The following NFAM1 variants were observed in gnomAD, a reference collection of about 807,000 sequenced individuals.
NFAM1 encodes NFAT activation molecule 1.
A neutral mutation model predicts 29.0 loss-of-function variants in NFAM1; 17 were observed. That is an observed-to-expected ratio of 0.59 (90% CI 0.40 to 0.88). The LOEUF (loss-of-function observed/expected upper bound fraction) is 0.88, where lower values mean the gene tolerates loss of function less well. NFAM1 is among the 40% of genes least tolerant of loss of function. The probability of loss-of-function intolerance (pLI) is 0.00; values close to 1 mark genes in which losing one functional copy is unlikely to be tolerated. For synonymous variants in NFAM1, 175 were observed against 147.2 expected (o/e 1.19, Z -1.36); for missense variants, 324 against 344.6 (o/e 0.94, Z 0.47).
Position 42,384,963 on chromosome 22 carries a change from G to C in NFAM1, c.*198C>G. The C allele has an allele frequency of 4.5e-6, 3 of 664,208 alleles. No individual in the cohort carries two copies. Among genetic ancestry groups the C allele is most frequent in the South Asian group, 3.4e-5 (2 of 58,068 alleles). 41.1% of individuals were successfully genotyped at this position (664,208 alleles called of 1,614,324 possible). On this transcript the variant is annotated 3_prime_UTR_variant, in exon 6 of 6. Coordinates refer to ENST00000329021, the MANE Select transcript of NFAM1 (RefSeq NM_145912.8). ...GGAACAGCCTGGGCAAAGGCCCCAA[G>C]ATGGGAAAGCCTTGGTGGTTGGGGC...
intron 1 of NFAM1, 82 bp downstream of exon 1, chr22:42,432,155 A>C (rs560161324): frequency 5.5e-5 from 68 of 1,241,980 alleles, no homozygotes; most frequent in Non-Finnish European, 7.2e-5. Context: ...GGTCCCTGGG[A>C]ATTAGCTGCG....
At chr22:42,431,600 C>T (rs1185508721) in intron 1 of NFAM1, among the ~76,000 whole-genome samples, 1 of 152,182 alleles carries the variant, frequency 6.6e-6, no homozygotes, top group Non-Finnish European at 1.5e-5. Flanking sequence ...TCCCGGCCAC[C>T]CAGCTTCCAA....
At chr22:42,416,621 G>A (rs1025302459) in intron 1 of NFAM1, among the ~76,000 whole-genome samples, 1 of 152,164 alleles carries the variant, frequency 6.6e-6, no homozygotes, top group East Asian at 1.9e-4. Flanking sequence ...GTGTAGAGGG[G>A]GCTGGGGAGA....
chr22:42,434,751 G>T (rs1302940587), upstream of NFAM1, among the ~76,000 whole-genome samples: 1 of 152,246 alleles, frequency 6.6e-6, no homozygotes, highest in Admixed American at 6.5e-5. Flanking sequence ...GCAGAGGAAT[G>T]AGGAGGCTCT....
rs869262500 is a variant in NFAM1, at chr22:42,419,990, G to GTTTTTTTTTTTTTTT, written c.122-8269_122-8255dup. On this transcript the variant is annotated intron_variant, in intron 1 of 5. Coordinates refer to ENST00000329021, the MANE Select transcript of NFAM1 (RefSeq NM_145912.8). The surrounding 1 kb of genome is among the most constrained non-coding windows in gnomAD (Gnocchi z 4.5). ...CTTTGAGTCTGTAATCCCACTCTTGGTTTTTTTTTTTTTTTTTTTTTTTTT... is the reference window on the plus strand; with the variant it reads ...CTTTGAGTCTGTAATCCCACTCTTGGTTTTTTTTTTTTTTTTTTTTTTTTTTTTTTTTTTTTTTTT... Among the ~76,000 whole-genome samples the GTTTTTTTTTTTTTTT allele has an allele frequency of 4.3e-4, 13 of 30,522 alleles. 6 individuals carry two copies. Among genetic ancestry groups the GTTTTTTTTTTTTTTT allele is most frequent in the Non-Finnish European group, 3.3e-4 (6 of 17,916 alleles). 20.0% of individuals were successfully genotyped at this position (30,522 alleles called of 152,430 possible).
At chr22:42,421,897 T>C (rs1930457845) in intron 1 of NFAM1, among the ~76,000 whole-genome samples, 1 of 132,664 alleles carries the variant, frequency 7.5e-6, no homozygotes, top group African/African-American at 3.0e-5. Context: ...GCCCCAGCCA[T>C]GTGCCTGAGC....
At chr22:42,422,344 G>A (rs1277409626) in intron 1 of NFAM1, among the ~76,000 whole-genome samples, 4 of 152,158 alleles carry the variant, frequency 2.6e-5, no homozygotes, top group Admixed American at 6.5e-5. Context: ...AGGTGCTCAC[G>A]CCTGTAATCC....
chr22:42,398,406 A>ATTATTATTATTG (rs1929610960), intron 3 of NFAM1, among the ~76,000 whole-genome samples: 1 of 147,278 alleles, frequency 6.8e-6, no homozygotes, highest in South Asian at 2.1e-4. Flanking sequence ...TATTATTATT[A>ATTATTATTATTG]TTATTATTAT....
chr22:42,395,610 C>T (rs1052259042), intron 4 of NFAM1, among the ~76,000 whole-genome samples: 7 of 151,198 alleles, frequency 4.6e-5, no homozygotes, highest in East Asian at 3.9e-4. Flanking sequence ...AGGCCAGGCG[C>T]GGTGGCTCAC....
At chr22:42,433,382 A>G (rs1187252091), upstream of NFAM1, among the ~76,000 whole-genome samples, 1 of 152,142 alleles carries the variant, frequency 6.6e-6, no homozygotes, top group Non-Finnish European at 1.5e-5. Context: ...AAATGTGATG[A>G]TCCCAGTTGT....
At position 42,394,128 on chromosome 22, in the gene NFAM1, C is replaced by T. The variant is rs138705300; in HGVS notation, c.663+3730G>A. Among the ~76,000 whole-genome samples, 1,338 of 152,250 alleles carry T rather than the reference C, an allele frequency of 8.8e-3. 17 individuals are homozygous for T. The highest frequency in any genetic ancestry group is 0.03 in the African/African-American group (1,264 of 41,540). On this transcript the variant is annotated intron_variant, in intron 4 of 5. Coordinates refer to ENST00000329021, the MANE Select transcript of NFAM1 (RefSeq NM_145912.8). ...TTGGTTCACCGCAACCTCCGCCTCC[C>T]GGGTTCAAGCAATTCTCCTGCCTCA...
At chr22:42,418,261 A>C (rs1930326082) in intron 1 of NFAM1, among the ~76,000 whole-genome samples, 1 of 152,192 alleles carries the variant, frequency 6.6e-6, no homozygotes, top group South Asian at 2.1e-4. Flanking sequence ...CCCACAACAC[A>C]GGGGGAGCAA....
chr22:42,434,950 T>C (rs1428443309), upstream of NFAM1, among the ~76,000 whole-genome samples: 1 of 152,238 alleles, frequency 6.6e-6, no homozygotes, highest in Non-Finnish European at 1.5e-5. Context: ...CCCTGGGCCC[T>C]GGCCTCACGG....
intron 3 of NFAM1, among the ~76,000 whole-genome samples, chr22:42,407,903 CTTTT>C (rs61407898): frequency 1.9e-5 from 2 of 103,286 alleles, no homozygotes; most frequent in African/African-American, 3.9e-5. Context: ...ACAGATTTCT[CTTTT>C]TTTTTTTTTT....
At chr22:42,415,614 A>G (rs1930236172) in intron 1 of NFAM1, among the ~76,000 whole-genome samples, 1 of 151,922 alleles carries the variant, frequency 6.6e-6, no homozygotes, top group South Asian at 2.1e-4. Context: ...CTTCCTTTCA[A>G]TGGGGCATCA....
At chr22:42,401,142 G>A (rs1458383166) in intron 3 of NFAM1, among the ~76,000 whole-genome samples, 2 of 152,250 alleles carry the variant, frequency 1.3e-5, no homozygotes, top group African/African-American at 4.8e-5. Flanking sequence ...GGGGCCCCAA[G>A]TCTGCAGGGG....
chr22:42,436,731 G>T (rs771966323), upstream of NFAM1, among the ~76,000 whole-genome samples: 1 of 152,220 alleles, frequency 6.6e-6, no homozygotes, highest in Non-Finnish European at 1.5e-5. Flanking sequence ...TTGTATGGGA[G>T]GTGTTATGAC....
rs1368621400 is a variant in NFAM1, at chr22:42,409,999, C to T, written c.452-452G>A. ...TCCTACCCCATGCCATCCCCAGTCCCTCCTGCTGGCATCCAGTCCTCCTTC... is the reference window on the plus strand; with the variant it reads ...TCCTACCCCATGCCATCCCCAGTCCTTCCTGCTGGCATCCAGTCCTCCTTC... On this transcript the variant is annotated intron_variant, in intron 2 of 5. Transcript: ENST00000329021. This position sits in a 1 kb window ranked among gnomAD's most constrained non-coding sequence, Gnocchi z 4.9. 6.6e-6 allele frequency among the ~76,000 whole-genome samples: 1 copy of T among 152,208 alleles called. No homozygotes were observed. Among genetic ancestry groups the T allele is most frequent in the African/African-American group, 2.4e-5 (1 of 41,452 alleles).
At chr22:42,431,923 C>T (rs1224774849) in intron 1 of NFAM1, among the ~76,000 whole-genome samples, 2 of 152,162 alleles carry the variant, frequency 1.3e-5, no homozygotes, top group Admixed American at 6.5e-5. Context: ...CCCCCTGCCC[C>T]GCCCCTGGCC....
Sources: allele counts gnomAD v4.1 joint callset (sites outside exome capture counted in the v4.1 genomes callset), GRCh38; gene constraint gnomAD v4.1.1; non-coding constraint Gnocchi (gnomAD v3.1); transcripts MANE v1.5; gene names NCBI Gene and HGNC (gene_info 2026-07-23, HGNC 2026-07-21).